Variants in SLC43A2 observed in about 807,000 individuals in gnomAD.
The protein encoded by SLC43A2 is large neutral amino acids transporter small subunit 4.
SLC43A2 carries 38 observed loss-of-function variants against 63.2 expected under a neutral mutation model. That is an observed-to-expected ratio of 0.60 (90% CI 0.46 to 0.79). The LOEUF (loss-of-function observed/expected upper bound fraction) is 0.79. Ranked by LOEUF, SLC43A2 falls within the 30% of genes least tolerant of loss-of-function variation. The probability of loss-of-function intolerance (pLI) is 0.00; values close to 1 mark genes in which losing one functional copy is unlikely to be tolerated. For synonymous variants in SLC43A2, 322 were observed against 331.0 expected (o/e 0.97, Z 0.30); for missense variants, 644 against 756.2 (o/e 0.85, Z 1.74).
chr17:1,573,094 T>G lies in SLC43A2; in HGVS notation c.*2510A>C, dbSNP rs185623109. 5 of 146,238 alleles carry G rather than the reference T, an allele frequency of 3.4e-5. No homozygotes were observed. Among genetic ancestry groups the G allele is most frequent in the Admixed American group, 2.8e-4 (4 of 14,104 alleles). 9.1% of individuals were successfully genotyped at this position (146,238 alleles called of 1,614,324 possible). ...AGGAGGCCGAGGTGGGAGGATCCCT[T>G]GAGCCCATGAGTTGGAGGCCGTGGT... On this transcript the variant is annotated 3_prime_UTR_variant, in exon 14 of 14. Transcript: ENST00000301335.
chr17:1,579,397 G>A (rs532427373), intron 11 of SLC43A2, among the ~76,000 whole-genome samples: 10 of 151,188 alleles, frequency 6.6e-5, no homozygotes, highest in Admixed American at 5.9e-4. Flanking sequence ...GGAGGCGGAG[G>A]TTGCGGTGAG....
At chr17:1,580,688 A>G (rs2075998590) in intron 11 of SLC43A2, among the ~76,000 whole-genome samples, 1 of 148,514 alleles carries the variant, frequency 6.7e-6, no homozygotes, top group South Asian at 2.1e-4. Flanking sequence ...CAGCCTCCTG[A>G]GTAGCTGGGA....
At position 1,627,845 on chromosome 17, in the gene SLC43A2, C is replaced by T. The variant is rs1249872378; in HGVS notation, c.30G>A (p.Arg10=). Reference sequence around the variant, plus strand: ...CCGTGCAGGCCATCCACCAGCGGCGCCGATGGGCAGTGGCCAGGGTGGGCG... The same window carrying T: ...CCGTGCAGGCCATCCACCAGCGGCGTCGATGGGCAGTGGCCAGGGTGGGCG... The part of the protein sequence containing the change: MAPTLATAH[R]RRWWMACTAV... The change falls in exon 2 of 14, where the codon CGG becomes CGA. Residue 10 remains arginine, a synonymous_variant. Coordinates refer to ENST00000301335, the MANE Select transcript of SLC43A2 (RefSeq NM_152346.3). 1.3e-6 allele frequency: 2 copies of T among 1,585,680 alleles called. No homozygotes were observed. The highest frequency in any genetic ancestry group is 1.3e-5 in the African/African-American group (1 of 74,370).
chr17:1,595,868 C>T (rs1239088631), intron 5 of SLC43A2, among the ~76,000 whole-genome samples: 1 of 152,204 alleles, frequency 6.6e-6, no homozygotes, highest in African/African-American at 2.4e-5. Flanking sequence ...ATCAAACCTG[C>T]CTGCCTGCAA....
chr17:1,618,026 T>C (rs946170027), intron 2 of SLC43A2, among the ~76,000 whole-genome samples: 4 of 152,244 alleles, frequency 2.6e-5, no homozygotes, highest in South Asian at 2.1e-4. Context: ...AACGCTCTTC[T>C]TCCGGTAACT....
intron 11 of SLC43A2, among the ~76,000 whole-genome samples, chr17:1,579,341 T>A (rs1414207798): frequency 2.0e-5 from 3 of 149,056 alleles, no homozygotes; most frequent in African/African-American, 7.4e-5. Context: ...GGCGCCTGTA[T>A]TCCCAGCTAC....
intron 5 of SLC43A2, among the ~76,000 whole-genome samples, chr17:1,596,541 C>T (rs976795768): frequency 6.6e-6 from 1 of 152,004 alleles, no homozygotes; most frequent in Non-Finnish European, 1.5e-5. Flanking sequence ...AAAAATAGAA[C>T]ATATAAAGAA....
Position 1,577,611 on chromosome 17 carries a change from C to T in SLC43A2, c.1424+639G>A, listed in dbSNP as rs1383941301. The stretch of plus-strand genomic sequence containing the variant: ...GAAAGGAATCCCAGCAACACATGAG[C>T]TGGTCCCACATCAGAGACTGTGGAT... On this transcript the variant is annotated intron_variant, in intron 12 of 13. Transcript: ENST00000301335. The surrounding 1 kb of genome is among the most constrained non-coding windows in gnomAD (Gnocchi z 4.9). 6.6e-6 allele frequency among the ~76,000 whole-genome samples: 1 copy of T among 152,208 alleles called. No individual in the cohort carries two copies. Among genetic ancestry groups the T allele is most frequent in the South Asian group, 2.1e-4 (1 of 4,836 alleles).
intron 3 of SLC43A2, 42 bp from the exon 4 acceptor site, chr17:1,615,076 T>A (rs773409470): frequency 2.1e-5 from 34 of 1,610,650 alleles, no homozygotes; most frequent in Non-Finnish European, 2.8e-5. Flanking sequence ...CCATTATGAC[T>A]TTATTCAGTG....
rs987351112 is a variant in SLC43A2, at chr17:1,573,596, G to A, written c.*2008C>T. 3 of 152,200 alleles carry A rather than the reference G, an allele frequency of 2.0e-5. No individual in the cohort carries two copies. The highest frequency in any genetic ancestry group is 6.6e-5 in the Admixed American group (1 of 15,266). 9.4% of individuals were successfully genotyped at this position (152,200 alleles called of 1,614,324 possible). ...AACATCACAAAACGAGTGTTCTCAG[G>A]AGTGGGCATGTTTATCTCGTTCTCT... On this transcript the variant is annotated 3_prime_UTR_variant, in exon 14 of 14. Transcript: ENST00000301335.
intron 5 of SLC43A2, among the ~76,000 whole-genome samples, chr17:1,610,761 A>G (rs1037076950): frequency 6.6e-6 from 1 of 151,656 alleles, no homozygotes; most frequent in Non-Finnish European, 1.5e-5. Flanking sequence ...TTTTATAATT[A>G]TAAAACATAA....
Position 1,591,719 on chromosome 17 carries a change from CGGGGTGGG to C in SLC43A2, c.595-28_595-21del. The C allele has an allele frequency of 3.4e-5, 4 of 118,032 alleles. No individual in the cohort carries two copies. The highest frequency in any genetic ancestry group is 7.2e-5 in the Non-Finnish European group (4 of 55,406). The allele number at this position is 118,032 out of a possible 1,614,324, so 7.3% of individuals were successfully genotyped here. On this transcript the variant is annotated intron_variant, in intron 6 of 13. Transcript: ENST00000301335. ...GATGAGCTGACAGGCACCGCGGGGA[CGGGGTGGG>C]GGGGGGAGGGGGCAGAGTTAGCCCG...
rs746011513 is a variant in SLC43A2 at position 1,583,165 on chromosome 17, C to A, written c.1350+39G>T. The A allele has an allele frequency of 4.4e-6, 7 of 1,601,658 alleles. No homozygotes were observed. The Admixed American group carries it at 1.2e-4, about 27-fold the overall frequency. ...AGTCTTTACATGTTCCTTCTGACTGCCCCACCTCCCACCTGCCCCTCCCAC... is the reference window on the plus strand; with the variant it reads ...AGTCTTTACATGTTCCTTCTGACTGACCCACCTCCCACCTGCCCCTCCCAC... On this transcript the variant is annotated intron_variant, in intron 11 of 13. Transcript: ENST00000301335. This position sits in a 1 kb window ranked among gnomAD's most constrained non-coding sequence, Gnocchi z 5.5.
Position 1,605,044 on chromosome 17 carries a change from G to C in SLC43A2, c.501+8151C>G. 1.4e-6 allele frequency: 2 copies of C among 1,416,404 alleles called. No individual in the cohort carries two copies. Among genetic ancestry groups the C allele is most frequent in the Admixed American group, 2.9e-5 (1 of 34,912 alleles). The allele number at this position is 1,416,404 out of a possible 1,614,324, so 87.7% of individuals were successfully genotyped here. Reference sequence around the variant, plus strand: ...AAGGACCAGCTTTGCTGCCAAGCAGGAAGCCGGAGCTGTTTCCTGACTCAC... The same window carrying C: ...AAGGACCAGCTTTGCTGCCAAGCAGCAAGCCGGAGCTGTTTCCTGACTCAC... On this transcript the variant is annotated intron_variant, in intron 5 of 13. Transcript: ENST00000301335. This position sits in a 1 kb window ranked among gnomAD's most constrained non-coding sequence, Gnocchi z 4.9.
chr17:1,604,735 C>T (rs898934814), intron 5 of SLC43A2: 28 of 1,535,836 alleles, frequency 1.8e-5, no homozygotes, highest in Non-Finnish European at 2.2e-5. Context: ...GCCCCCTGCC[C>T]TCACCTCCTG....
At chr17:1,623,617 G>C (rs181845254) in intron 2 of SLC43A2, among the ~76,000 whole-genome samples, 1 of 149,450 alleles carries the variant, frequency 6.7e-6, no homozygotes, top group South Asian at 2.1e-4. Flanking sequence ...TCTCCTCCAG[G>C]GTGTACCCTC....
intron 5 of SLC43A2, among the ~76,000 whole-genome samples, chr17:1,596,398 G>A (rs1455189424): frequency 6.6e-6 from 1 of 151,728 alleles, no homozygotes; most frequent in Non-Finnish European, 1.5e-5. Context: ...CTGGGGCAGC[G>A]GGATTACTTG....
intron 5 of SLC43A2, among the ~76,000 whole-genome samples, chr17:1,594,834 C>A (rs544364626): frequency 6.6e-6 from 1 of 151,682 alleles, no homozygotes; most frequent in African/African-American, 2.4e-5. Context: ...GTGATCCGCC[C>A]GCCTTGGCCT....
At chr17:1,620,036 C>G (rs1043583816) in intron 2 of SLC43A2, among the ~76,000 whole-genome samples, 1 of 152,182 alleles carries the variant, frequency 6.6e-6, no homozygotes, top group African/African-American at 2.4e-5. Flanking sequence ...GTCTCTAAAC[C>G]CATGGGTTTT....
Sources: allele counts gnomAD v4.1 joint callset (sites outside exome capture counted in the v4.1 genomes callset), GRCh38; gene constraint gnomAD v4.1.1; non-coding constraint Gnocchi (gnomAD v3.1); transcripts MANE v1.5; gene names NCBI Gene and HGNC (gene_info 2026-07-23, HGNC 2026-07-21).